The following CEP85L variants were observed in gnomAD, a reference collection of about 807,000 sequenced individuals.
CEP85L encodes centrosomal protein of 85 kDa-like.
Under a neutral mutation model 100.3 loss-of-function variants are expected in CEP85L, and 60 were observed. The ratio of observed to expected loss-of-function variants is 0.60; its 90% CI spans 0.49 to 0.74. The LOEUF (loss-of-function observed/expected upper bound fraction) is 0.74. Among genes scored for constraint, CEP85L ranks in the 30% least tolerant of loss-of-function variants. The probability of loss-of-function intolerance (pLI) is 0.00; values close to 1 mark genes in which losing one functional copy is unlikely to be tolerated. For synonymous variants in CEP85L, 319 were observed against 322.7 expected (o/e 0.99, Z 0.12); for missense variants, 973 against 936.2 (o/e 1.04, Z -0.51).
chr6:118,466,676 AGGAGAG>A, intron 12 of CEP85L, among the ~76,000 whole-genome samples: 1 of 152,266 alleles, frequency 6.6e-6, no homozygotes, highest in South Asian at 2.1e-4. Context: ...ACTGTGACAA[AGGAGAG>A]TACCAAGAAA....
chr6:118,580,842 T>C (rs1054149611), intron 2 of CEP85L, among the ~76,000 whole-genome samples: 2 of 152,206 alleles, frequency 1.3e-5, no homozygotes, highest in African/African-American at 4.8e-5. Context: ...GTGTGGGAAT[T>C]TAGTAACCGG....
intron 2 of CEP85L, among the ~76,000 whole-genome samples, chr6:118,608,560 T>A (rs1772403558): frequency 6.6e-6 from 1 of 152,216 alleles, no homozygotes; most frequent in African/African-American, 2.4e-5. Context: ...TAGATTTTTA[T>A]GATTTTTAAA....
chr6:118,659,953 G>A (rs534268109), intron 1 of CEP85L, among the ~76,000 whole-genome samples: 1 of 152,342 alleles, frequency 6.6e-6, no homozygotes, highest in Non-Finnish European at 1.5e-5. Context: ...GATTTTGGGT[G>A]TTACCACATA....
chr6:118,498,665 G>GGGAGGGAA (rs1562201469), intron 5 of CEP85L, among the ~76,000 whole-genome samples: 1 of 151,228 alleles, frequency 6.6e-6, no homozygotes, highest in Middle Eastern at 3.2e-3. Context: ...AAGGGAGGGA[G>GGGAGGGAA]GGAGGGAAGG....
intron 2 of CEP85L, among the ~76,000 whole-genome samples, chr6:118,622,984 T>C (rs1470947144): frequency 6.6e-6 from 1 of 152,188 alleles, no homozygotes; most frequent in Non-Finnish European, 1.5e-5. Flanking sequence ...ATGGGGACTC[T>C]CATGGGGGCA....
At chr6:118,543,836 T>A (rs1778044157) in intron 3 of CEP85L, among the ~76,000 whole-genome samples, 1 of 152,104 alleles carries the variant, frequency 6.6e-6, no homozygotes, top group Admixed American at 6.6e-5. Flanking sequence ...TGAATGACAA[T>A]CAAATGTGCA....
intron 3 of CEP85L, among the ~76,000 whole-genome samples, chr6:118,550,808 T>C (rs777809779): frequency 6.6e-6 from 1 of 151,966 alleles, no homozygotes; most frequent in Non-Finnish European, 1.5e-5. Context: ...CAAACTTCTA[T>C]TTTAATTAAA....
chr6:118,687,472 T>A (rs1288691188), intron 1 of CEP85L, among the ~76,000 whole-genome samples: 1 of 152,170 alleles, frequency 6.6e-6, no homozygotes, highest in Non-Finnish European at 1.5e-5. Context: ...ACACGGGGCT[T>A]GCAACTTAGC....
At chr6:118,528,491 G>C (rs1330273548) in intron 3 of CEP85L, among the ~76,000 whole-genome samples, 1 of 151,816 alleles carries the variant, frequency 6.6e-6, no homozygotes, top group East Asian at 1.9e-4. Flanking sequence ...CAGGAATAAA[G>C]AAAAAGGATT....
intron 1 of CEP85L, among the ~76,000 whole-genome samples, chr6:118,679,929 G>C (rs2115444800): frequency 6.6e-6 from 1 of 151,754 alleles, no homozygotes; most frequent in South Asian, 2.1e-4. Context: ...AATTATTTTT[G>C]AAGTGGCTTC....
At chr6:118,496,604 C>G (rs544394171) in intron 5 of CEP85L, among the ~76,000 whole-genome samples, 3 of 152,076 alleles carry the variant, frequency 2.0e-5, no homozygotes, top group African/African-American at 7.2e-5. Flanking sequence ...CCACCCACCT[C>G]GGCCTCCCAA....
intron 2 of CEP85L, among the ~76,000 whole-genome samples, chr6:118,629,713 A>G (rs142242571): frequency 1.3e-5 from 2 of 152,344 alleles, no homozygotes; most frequent in East Asian, 3.9e-4. Context: ...TATTTAGGCA[A>G]GAGAGTTGGG....
rs1562364537 is a variant in CEP85L, at chr6:118,697,243, AAGGG to A, written c.-28+12789_-28+12792del. Among the ~76,000 whole-genome samples, 19 of 152,312 alleles carry A rather than the reference AAGGG, an allele frequency of 1.2e-4. No homozygotes were observed. In the East Asian group the frequency reaches 3.5e-3, roughly 28 times the overall value. On this transcript the variant is annotated intron_variant, in intron 1 of 13. Coordinates refer to the CEP85L transcript ENST00000368488. ...CAAATCTGAAGTTTTGTTCACAAAGAAGGGGTATAGCTATTGGATTGACAACCAA... is the reference window on the plus strand; with the variant it reads ...CAAATCTGAAGTTTTGTTCACAAAGAGTATAGCTATTGGATTGACAACCAA...
intron 1 of CEP85L, among the ~76,000 whole-genome samples, chr6:118,706,005 T>A (rs767794148): frequency 6.6e-6 from 1 of 152,162 alleles, no homozygotes; most frequent in African/African-American, 2.4e-5. Flanking sequence ...GTGAGCACTG[T>A]GCTAATTGGG....
rs944606035 is a variant in CEP85L, at chr6:118,460,920, C to A, written c.*4485G>T. 6.6e-6 allele frequency: 1 copy of A among 151,672 alleles called. No homozygotes were observed. Among genetic ancestry groups the A allele is most frequent in the African/African-American group, 2.4e-5 (1 of 41,298 alleles). 9.4% of individuals were successfully genotyped at this position (151,672 alleles called of 1,614,324 possible). A position where few individuals can be genotyped will look rare whatever the true frequency, so the allele number is the denominator to read the frequency against. Reference sequence around the variant, plus strand: ...TGGCATTCAAAATTCTAGCTGTAAACCCTATTAAAAAACAGAACAACAAGA... The same window carrying A: ...TGGCATTCAAAATTCTAGCTGTAAAACCTATTAAAAAACAGAACAACAAGA... On this transcript the variant is annotated 3_prime_UTR_variant, in exon 13 of 13. Coordinates refer to ENST00000368491, the MANE Select transcript of CEP85L (RefSeq NM_001042475.3).
rs1160030823 is a variant in CEP85L, at chr6:118,491,196, T to TACACACACAC, written c.1437+480_1437+489dup. Among the ~76,000 whole-genome samples, 456 of 116,408 alleles carry TACACACACAC rather than the reference T, an allele frequency of 3.9e-3. 5 individuals carry two copies. Among genetic ancestry groups the TACACACACAC allele is most frequent in the Middle Eastern group, 0.018 (4 of 228 alleles). The allele number at this position is 116,408 out of a possible 152,430, so 76.4% of individuals were successfully genotyped here. ...CCCTTCTATTTCATACCAACATCTATACACACACACACACACACACACACA... is the reference window on the plus strand; with the variant it reads ...CCCTTCTATTTCATACCAACATCTATACACACACACACACACACACACACACACACACACA... On this transcript the variant is annotated intron_variant, in intron 6 of 12. Coordinates refer to ENST00000368491, the MANE Select transcript of CEP85L (RefSeq NM_001042475.3).
chr6:118,488,131 T>C (rs1179019808), intron 6 of CEP85L, among the ~76,000 whole-genome samples: 1 of 152,094 alleles, frequency 6.6e-6, no homozygotes, highest in East Asian at 1.9e-4. Context: ...AGCTATTTTA[T>C]ATAATATACA....
intron 2 of CEP85L, among the ~76,000 whole-genome samples, chr6:118,599,639 C>A (rs1462357793): frequency 3.3e-5 from 5 of 152,092 alleles, no homozygotes; most frequent in Non-Finnish European, 7.4e-5. Context: ...TGGTAAAATA[C>A]TGTTTTATAG....
At chr6:118,699,345 C>T (rs1172445966) in intron 1 of CEP85L, among the ~76,000 whole-genome samples, 1 of 151,512 alleles carries the variant, frequency 6.6e-6, no homozygotes, top group African/African-American at 2.4e-5. Flanking sequence ...ATTCCAGCTA[C>T]TCAGGAGCCT....
Sources: gnomAD v4.1 joint callset for allele counts (sites outside exome capture counted in the v4.1 genomes callset) on GRCh38, gnomAD v4.1.1 for gene constraint, MANE v1.5 for transcripts, NCBI Gene and HGNC (gene_info 2026-07-23, HGNC 2026-07-21) for gene names.